DNAI3: variants seen among roughly 807,000 people sequenced by gnomAD.
DNAI3 encodes dynein axonemal intermediate chain 3.
DNAI3 carries 83 observed loss-of-function variants against 115.5 expected under a neutral mutation model. That is an observed-to-expected ratio of 0.72 (90% CI 0.60 to 0.86). The LOEUF is 0.86. Ranked by LOEUF, DNAI3 falls within the 40% of genes least tolerant of loss-of-function variation. DNAI3 has a pLI of 0.00. For synonymous variants in DNAI3, 320 were observed against 347.0 expected (o/e 0.92, Z 0.86); for missense variants, 1,004 against 1,075.8 (o/e 0.93, Z 0.93).
At position 85,130,273 on chromosome 1, in the gene DNAI3, C is replaced by T. The variant is rs1228195335; in HGVS notation, c.2532+161C>T. The T allele has an allele frequency of 8.6e-6, 9 of 1,043,812 alleles. No individual in the cohort carries two copies. In the African/African-American group the frequency reaches 1.1e-4, roughly 13 times the overall value. The allele number at this position is 1,043,812 out of a possible 1,614,324, so 64.7% of individuals were successfully genotyped here. ...GGCATTCCTTTGATTTCCTAGCTCA[C>T]TGCCAGTTAGACACGTAGTGAGATT... On this transcript the variant is annotated intron_variant, in intron 22 of 22. Transcript: ENST00000294664.
chr1:85,124,277 T>A, intron 19 of DNAI3, 26 bp downstream of exon 19: 1 of 1,614,084 alleles, frequency 6.2e-7, no homozygotes. Flanking sequence ...AATGGAAGCA[T>A]GAGTGTGTGA....
chr1:85,109,671 C>A (rs1655594631), intron 15 of DNAI3, among the ~76,000 whole-genome samples: 1 of 152,164 alleles, frequency 6.6e-6, no homozygotes, highest in South Asian at 2.1e-4. Flanking sequence ...AAGGTCCCTG[C>A]ACAACTTTCT....
At chr1:85,127,276 A>T (rs1656175963) in intron 20 of DNAI3, among the ~76,000 whole-genome samples, 1 of 152,366 alleles carries the variant, frequency 6.6e-6, no homozygotes, top group South Asian at 2.1e-4. Context: ...CTATGAGGAA[A>T]AACTACTATA....
At chr1:85,091,334 T>C (rs1047116338) in intron 8 of DNAI3, among the ~76,000 whole-genome samples, 2 of 152,260 alleles carry the variant, frequency 1.3e-5, no homozygotes, top group South Asian at 2.1e-4. Flanking sequence ...TCTTTAGACC[T>C]GGGCTTTTAT....
intron 3 of DNAI3, among the ~76,000 whole-genome samples, chr1:85,073,596 G>T (rs981821396): frequency 6.6e-6 from 1 of 152,164 alleles, no homozygotes; most frequent in Non-Finnish European, 1.5e-5. Flanking sequence ...CTCTCCCTTA[G>T]AGTTGACTTA....
intron 3 of DNAI3, 94 bp downstream of exon 3, chr1:85,073,186 C>A (rs949204664): frequency 3.3e-6 from 3 of 906,006 alleles, no homozygotes; most frequent in South Asian, 2.6e-5. Context: ...CTGAAGTGAT[C>A]AATCAAAATG....
intron 4 of DNAI3, 42 bp from the exon 5 acceptor site, chr1:85,082,258 A>G (rs766491775): frequency 6.9e-7 from 1 of 1,458,200 alleles, no homozygotes; most frequent in Admixed American, 1.8e-5. Flanking sequence ...AAACTGAATG[A>G]CCATTGAACA....
intron 16 of DNAI3, among the ~76,000 whole-genome samples, chr1:85,110,551 T>C (rs1245805906): frequency 6.6e-6 from 1 of 152,030 alleles, no homozygotes; most frequent in Non-Finnish European, 1.5e-5. Flanking sequence ...ATAGTCTAAT[T>C]TGTAAAAAGA....
intron 18 of DNAI3, among the ~76,000 whole-genome samples, chr1:85,122,137 T>C (rs780002453): frequency 2.2e-4 from 33 of 152,222 alleles, no homozygotes; most frequent in South Asian, 4.1e-4. Flanking sequence ...ACGGAGAAAC[T>C]TGAGTGATTT....
At chr1:85,115,407 T>A (rs1655786286) in intron 16 of DNAI3, among the ~76,000 whole-genome samples, 1 of 152,228 alleles carries the variant, frequency 6.6e-6, no homozygotes. Context: ...GAAGTTCTTG[T>A]GAGGACTGAA....
At chr1:85,084,796 A>T in intron 6 of DNAI3, 101 bp downstream of exon 6, 2 of 1,190,294 alleles carry the variant, frequency 1.7e-6, no homozygotes, top group Non-Finnish European at 2.2e-6. Flanking sequence ...CTATGGAGGC[A>T]TAGTTTTTGG....
intron 3 of DNAI3, among the ~76,000 whole-genome samples, chr1:85,075,813 C>A (rs899578377): frequency 1.3e-5 from 2 of 152,198 alleles, no homozygotes; most frequent in Non-Finnish European, 2.9e-5. Context: ...TAGGCATTAT[C>A]AAGGCCATTA....
intron 1 of DNAI3, among the ~76,000 whole-genome samples, chr1:85,070,378 A>T (rs1028377339): frequency 2.6e-5 from 4 of 152,324 alleles, no homozygotes; most frequent in Middle Eastern, 3.4e-3. Context: ...ATCATCTAGT[A>T]CAGAGGTTAA....
intron 20 of DNAI3, among the ~76,000 whole-genome samples, chr1:85,128,109 C>T (rs1266493977): frequency 2.8e-5 from 3 of 106,382 alleles, no homozygotes; most frequent in African/African-American, 7.6e-5. Context: ...TGGGCCACAG[C>T]GGGGAGACCC....
intron 16 of DNAI3, among the ~76,000 whole-genome samples, chr1:85,110,826 A>T (rs1251587714): frequency 6.6e-6 from 1 of 152,210 alleles, no homozygotes; most frequent in Non-Finnish European, 1.5e-5. Context: ...GTATCAAGAA[A>T]CAAATTACCA....
intron 20 of DNAI3, 57 bp from the exon 21 acceptor site, chr1:85,128,651 C>A: frequency 6.9e-7 from 1 of 1,438,876 alleles, no homozygotes; most frequent in Non-Finnish European, 9.7e-7. Context: ...TGTTTAACTG[C>A]TTAAGATGGT....
At position 85,121,683 on chromosome 1, in the gene DNAI3, A is replaced by G. The variant is rs536569294; in HGVS notation, c.1918-68A>G. On this transcript the variant is annotated intron_variant, in intron 17 of 22. Transcript: ENST00000294664. ...GTTTTGCTTAACAGTCAATCTTAGCACATGAGTGTGAAGTCTTTTGTCTCT... is the reference window on the plus strand; with the variant it reads ...GTTTTGCTTAACAGTCAATCTTAGCGCATGAGTGTGAAGTCTTTTGTCTCT... The G allele has an allele frequency of 7.1e-6, 10 of 1,412,206 alleles. No individual in the cohort carries two copies. The East Asian group carries it at 1.2e-4, about 16-fold the overall frequency. 87.5% of individuals were successfully genotyped at this position (1,412,206 alleles called of 1,614,324 possible).
At chr1:85,078,030 T>C (rs766659979) in intron 3 of DNAI3, among the ~76,000 whole-genome samples, 4 of 149,550 alleles carry the variant, frequency 2.7e-5, no homozygotes, top group Non-Finnish European at 6.0e-5. Context: ...GTGTAGAGCT[T>C]GAGTCTGCCT....
At chr1:85,077,704 C>A (rs888247698) in intron 3 of DNAI3, among the ~76,000 whole-genome samples, 3 of 151,950 alleles carry the variant, frequency 2.0e-5, no homozygotes, top group African/African-American at 7.3e-5. Flanking sequence ...AAGGCAGGGG[C>A]AGGAGGAAAC....
Sources: gnomAD v4.1 joint callset for allele counts (sites outside exome capture counted in the v4.1 genomes callset) on GRCh38, gnomAD v4.1.1 for gene constraint, MANE v1.5 for transcripts, NCBI Gene and HGNC (gene_info 2026-07-23, HGNC 2026-07-21) for gene names.